ARHGEF1: variants seen among roughly 807,000 people sequenced by gnomAD.
The protein encoded by ARHGEF1 is Rho guanine nucleotide exchange factor 1.
ARHGEF1 carries 40 observed loss-of-function variants against 119.7 expected under a neutral mutation model. That is an observed-to-expected ratio of 0.33 (90% CI 0.26 to 0.44). The LOEUF is 0.44. ARHGEF1 is among the 20% of genes least tolerant of loss of function. ARHGEF1 has a pLI of 1.00. For missense variants in ARHGEF1, 976 were observed against 1,268.3 expected, an observed-to-expected ratio of 0.77 and a Z score of 3.50; for synonymous variants, 494 against 521.0, an observed-to-expected ratio of 0.95 and a Z score of 0.71.
chr19:41,908,819 C>T (rs1555850971), downstream of ARHGEF1: 2 of 474,648 alleles, frequency 4.2e-6, no homozygotes, highest in Non-Finnish European at 6.7e-6. This position sits in a 1 kb window ranked among gnomAD's most constrained non-coding sequence, Gnocchi z 6.7. Context: ...CTTCCCCCAA[C>T]TCCATCTCCT....
In ARHGEF1 at chr19:41,904,939, C is replaced by A. The variant is rs2074666764; in HGVS notation, c.2162-10C>A. 1.2e-6 allele frequency: 2 copies of A among 1,612,372 alleles called. No homozygotes were observed. Among genetic ancestry groups the A allele is most frequent in the Admixed American group, 1.7e-5 (1 of 60,028 alleles). ...TGGGCTCTGAGCCCCATCTCCCCCT[C>A]TCCCTGCAGATCACAAAGCCTTCTA... is the stretch of plus-strand genomic sequence containing the variant. On this transcript the variant is annotated splice_polypyrimidine_tract_variant and intron_variant, in intron 22 of 28. Transcript: ENST00000354532. This position sits in a 1 kb window ranked among gnomAD's most constrained non-coding sequence, Gnocchi z 8.4.
In ARHGEF1 at chr19:41,905,307, G is replaced by A. The variant is rs781785832; in HGVS notation, c.2336+46G>A. The A allele has an allele frequency of 5.4e-5, 83 of 1,545,402 alleles. No homozygotes were observed. The East Asian group carries it at 6.5e-4, about 12-fold the overall frequency. ...AGCTGGAGGTTCAGGGAGTGGGGCC[G>A]GAAGGCGGGGCAGGCTTCCCTCCAC... On this transcript the variant is annotated intron_variant, in intron 24 of 28. Coordinates refer to ENST00000354532, the MANE Select transcript of ARHGEF1 (RefSeq NM_004706.4). The surrounding 1 kb of genome is among the most constrained non-coding windows in gnomAD (Gnocchi z 6.4).
chr19:41,906,947 G>A lies in ARHGEF1; in HGVS notation c.*17+144G>A, dbSNP rs2074709869. The A allele has an allele frequency of 3.1e-6, 3 of 953,838 alleles. No homozygotes were observed. Among genetic ancestry groups the A allele is most frequent in the East Asian group, 2.7e-5 (1 of 36,584 alleles). 59.1% of individuals were successfully genotyped at this position (953,838 alleles called of 1,614,324 possible). A position where few individuals can be genotyped will look rare whatever the true frequency, so the allele number is the denominator to read the frequency against. On this transcript the variant is annotated intron_variant, in intron 28 of 28. Coordinates refer to ENST00000354532, the MANE Select transcript of ARHGEF1 (RefSeq NM_004706.4). The surrounding 1 kb of genome is among the most constrained non-coding windows in gnomAD (Gnocchi z 4.5). ...TCCACCTCGTGTTTCTCATCTCTGT[G>A]TCTCTGTTTCTGATAATCTGTTTCT...
rs1555846761 is a variant in ARHGEF1 at position 41,893,404 on chromosome 19, TG to T, written c.644+103del. On this transcript the variant is annotated intron_variant, in intron 8 of 28. Coordinates refer to ENST00000354532, the MANE Select transcript of ARHGEF1 (RefSeq NM_004706.4). ...TGAGGGAGGAGGAGGCTGGGGGGCC[TG>T]GACGCCTGGGTCTGAGGGAGGAGGG... 387 of 462,786 alleles carry T rather than the reference TG, an allele frequency of 8.4e-4. 32 individuals are homozygous for T. The East Asian group carries it at 0.031, about 37-fold the overall frequency. The allele number at this position is 462,786 out of a possible 1,614,324, so 28.7% of individuals were successfully genotyped here.
At chr19:41,918,263 CCCCACCACACACATA>C (rs1199077276), upstream of ARHGEF1, among the ~76,000 whole-genome samples, 1 of 151,600 alleles carries the variant, frequency 6.6e-6, no homozygotes, top group East Asian at 1.9e-4. Context: ...ACATACACAC[CCCCACCACACACATA>C]CCCACCACAT....
intron 1 of ARHGEF1, among the ~76,000 whole-genome samples, chr19:41,927,414 G>A (rs1170263480): frequency 6.6e-6 from 1 of 151,844 alleles, no homozygotes; most frequent in African/African-American, 2.4e-5. Context: ...ATCCAAATTC[G>A]CAGACCCTTA....
At chr19:41,885,090 C>T (rs950191679) in intron 1 of ARHGEF1, among the ~76,000 whole-genome samples, 4 of 152,056 alleles carry the variant, frequency 2.6e-5, no homozygotes, top group Admixed American at 1.3e-4. Context: ...CCCTAACCCC[C>T]CAGCGCCCCA....
In ARHGEF1 at chr19:41,905,863, T is replaced by TG; in HGVS notation, c.2404+40dup. 6.2e-7 allele frequency: 1 copy of TG among 1,613,906 alleles called. No homozygotes were observed. The highest frequency in any genetic ancestry group is 8.5e-7 in the Non-Finnish European group (1 of 1,179,854). On this transcript the variant is annotated intron_variant, in intron 25 of 28. Transcript: ENST00000354532. This position sits in a 1 kb window ranked among gnomAD's most constrained non-coding sequence, Gnocchi z 6.4. Reference sequence around the variant, plus strand: ...AGGGATGCTGGGTGAGGGGCCAGGTTGGGGCTGCCGGGTGAAGAGAGGCAT... The same window carrying TG: ...AGGGATGCTGGGTGAGGGGCCAGGTTGGGGGCTGCCGGGTGAAGAGAGGCAT...
chr19:41,895,162 G>A (rs1555847269), intron 11 of ARHGEF1, among the ~76,000 whole-genome samples, 187 bp from the exon 12 acceptor site: 1 of 151,498 alleles, frequency 6.6e-6, no homozygotes, highest in Admixed American at 6.6e-5. Context: ...TCTGAGGGAG[G>A]AGGGGCTGGG....
rs371827282 is a variant in ARHGEF1, at chr19:41,893,308, G to T, written c.644+5G>T. 1.9e-6 allele frequency: 3 copies of T among 1,606,878 alleles called. No individual in the cohort carries two copies. The highest frequency in any genetic ancestry group is 1.1e-5 in the South Asian group (1 of 90,130). On this transcript the variant is annotated splice_donor_5th_base_variant and intron_variant, in intron 8 of 28. Transcript: ENST00000354532. ...CTCTACCGACGAAGAAAAGAGGTGA[G>T]GGGGGCAGGGGAGGCGTGCGGCCTC...
Position 41,888,787 on chromosome 19 carries a change from G to A in ARHGEF1, c.147G>A (p.Leu49=), listed in dbSNP as rs1555845710. 1 of 1,614,218 alleles carries A rather than the reference G, an allele frequency of 6.2e-7. No homozygotes were observed. Among genetic ancestry groups the A allele is most frequent in the East Asian group, 2.2e-5 (1 of 44,876 alleles). ...AGCAAAACAGCCAGTTCCAGAGCCT[G>A]GAGCAGGTGAAGCGGCGCCCAGCCC... ...SEEQNSQFQS[L]EQVKRRPAHL... is the part of the protein sequence containing the mutation. Residue 49 remains leucine, a synonymous_variant, in exon 4 of 29, where the codon CTG becomes CTA. Transcript: ENST00000354532. The surrounding 1 kb of genome is among the most constrained non-coding windows in gnomAD (Gnocchi z 5.1).
intron 1 of ARHGEF1, among the ~76,000 whole-genome samples, chr19:41,927,400 C>G (rs2074877977): frequency 6.6e-6 from 1 of 152,100 alleles, no homozygotes; most frequent in Non-Finnish European, 1.5e-5. Context: ...CCCCAGATAT[C>G]CAGATCCAAA....
chr19:41,911,649 C>T (rs1475870887), downstream of ARHGEF1, among the ~76,000 whole-genome samples: 1 of 152,088 alleles, frequency 6.6e-6, no homozygotes, highest in African/African-American at 2.4e-5. Flanking sequence ...TCTCACCTCC[C>T]ATGACAGGGC....
downstream of ARHGEF1, chr19:41,909,338 A>G: frequency 8.1e-7 from 1 of 1,235,668 alleles, no homozygotes; most frequent in Non-Finnish European, 1.0e-6. The surrounding 1 kb of genome is among the most constrained non-coding windows in gnomAD (Gnocchi z 5.2). Flanking sequence ...GGGGTCAGCA[A>G]GAGTGGGGAG....
intron 18 of ARHGEF1, among the ~76,000 whole-genome samples, chr19:41,914,864 A>G (rs1246711396): frequency 1.5e-3 from 24 of 16,450 alleles, no homozygotes; most frequent in Admixed American, 3.8e-3. Flanking sequence ...CCCCTCCACC[A>G]TCTCTGTCTC....
In ARHGEF1 at chr19:41,902,157, C is replaced by T. The variant is rs889918315; in HGVS notation, c.1415-117C>T. ...ATGGGGTGGGGGCAGATACGCCATC[C>T]GGTCCCGAGGATCAGACACAGACAC... On this transcript the variant is annotated intron_variant, in intron 15 of 28. Transcript: ENST00000354532. The surrounding 1 kb of genome is among the most constrained non-coding windows in gnomAD (Gnocchi z 6.5). The T allele has an allele frequency of 1.0e-5, 16 of 1,552,974 alleles. No homozygotes were observed. Among genetic ancestry groups the T allele is most frequent in the African/African-American group, 1.4e-5 (1 of 73,824 alleles).
intron 1 of ARHGEF1, chr19:41,884,643 C>A: frequency 8.9e-7 from 1 of 1,118,302 alleles, no homozygotes; most frequent in Non-Finnish European, 1.3e-6. Context: ...CTCGTGTAGA[C>A]CCGCCTCATT....
At chr19:41,898,634 G>C in intron 14 of ARHGEF1, 47 bp downstream of exon 14, 2 of 1,541,974 alleles carry the variant, frequency 1.3e-6, no homozygotes, top group Non-Finnish European at 8.7e-7. Context: ...ACACAGTCCA[G>C]CTCTGGCAAA....
chr19:41,918,775 CAT>C (rs1263195575), upstream of ARHGEF1, among the ~76,000 whole-genome samples: 4 of 150,842 alleles, frequency 2.7e-5, no homozygotes, highest in South Asian at 2.1e-4. Context: ...CTACCACACA[CAT>C]ACCACACACT....
Sources: gnomAD v4.1 joint callset for allele counts (sites outside exome capture counted in the v4.1 genomes callset) on GRCh38, gnomAD v4.1.1 for gene constraint, Gnocchi (gnomAD v3.1) non-coding constraint, MANE v1.5 for transcripts, NCBI Gene and HGNC (gene_info 2026-07-23, HGNC 2026-07-21) for gene names.